Variants in ZNF862 observed in about 807,000 individuals in gnomAD.
ZNF862 encodes the protein zinc finger protein 862.
A neutral mutation model predicts 91.1 loss-of-function variants in ZNF862; 64 were observed. The observed-to-expected ratio is 0.70, with a 90% CI of 0.57 to 0.87. The LOEUF is 0.87. ZNF862 is among the 40% of genes least tolerant of loss of function. The pLI is 0.00. For missense variants in ZNF862, 1,459 were observed against 1,528.0 expected (o/e 0.95, Z 0.75); for synonymous variants, 631 against 618.1 (o/e 1.02, Z -0.31).
chr7:149,860,234 G>A (rs1341691658), intron 6 of ZNF862, 149 bp from the exon 7 acceptor site: 23 of 714,264 alleles, frequency 3.2e-5, no homozygotes. Context: ...GAGGGTTTAA[G>A]TGGACGCCAC....
At chr7:149,846,376 C>T (rs543571411) in intron 3 of ZNF862, 121 bp downstream of exon 3, 28 of 711,612 alleles carry the variant, frequency 3.9e-5, no homozygotes, top group African/African-American at 3.2e-4. Flanking sequence ...TGCTGTTCTC[C>T]TCCCAGGTGC....
chr7:149,864,228 C>G lies in ZNF862; in HGVS notation c.3454C>G (p.Pro1152Ala). The G allele has an allele frequency of 1.2e-6, 2 of 1,601,394 alleles. No individual in the cohort carries two copies. Reference protein sequence around the residue: ...AEVLKDCIMEPPERLLYPHTS... With the variant: ...AEVLKDCIMEAPERLLYPHTS... ...GGTTCTGAAGGACTGCATCATGGAG[C>G]CTCCCGAGAGACTCCTGTATCCCCA... is the stretch of plus-strand genomic sequence containing the variant. The change falls in exon 8 of 8, where the codon CCT becomes GCT. Residue 1152 changes from proline (P) to alanine (A), a missense_variant. Pro to Ala is a conservative substitution (Grantham distance 27, BLOSUM62 -1). Transcript: ENST00000223210.
chr7:149,853,392 C>G (rs888759513), intron 5 of ZNF862, among the ~76,000 whole-genome samples: 8 of 152,182 alleles, frequency 5.3e-5, no homozygotes, highest in Non-Finnish European at 1.0e-4. Flanking sequence ...TGCCCTCCTT[C>G]TTTTTCCATT....
rs1259645171 is a variant in ZNF862, at chr7:149,838,742, T to A, written c.24+107T>A. ...CGGAGGCCCCGCAGATGAGCCAGGC[T>A]TGCAGGGAAGGACTCGCCGGCCCGC... is the stretch of plus-strand genomic sequence containing the variant. On this transcript the variant is annotated intron_variant, in intron 1 of 7. Coordinates refer to ENST00000223210, the MANE Select transcript of ZNF862 (RefSeq NM_001099220.3). The A allele has an allele frequency of 4.1e-6, 3 of 739,858 alleles. No homozygotes were observed. In the African/African-American group the frequency reaches 5.4e-5, roughly 13 times the overall value. The allele number at this position is 739,858 out of a possible 1,614,324, so 45.8% of individuals were successfully genotyped here.
At chr7:149,847,491 A>T (rs1412257244) in intron 3 of ZNF862, among the ~76,000 whole-genome samples, 1 of 152,152 alleles carries the variant, frequency 6.6e-6, no homozygotes, top group East Asian at 1.9e-4. Context: ...TTCAAAAAAC[A>T]AAAAGGAGGG....
chr7:149,864,322 C>T lies in ZNF862; in HGVS notation c.*38C>T, dbSNP rs549042972. ...CCTTGGGACTGCCTTGGAGACGCCT[C>T]TGTGATCACTGGGACAGGCTCTGCA... On this transcript the variant is annotated 3_prime_UTR_variant, in exon 8 of 8. Coordinates refer to ENST00000223210, the MANE Select transcript of ZNF862 (RefSeq NM_001099220.3). 6.5e-6 allele frequency: 10 copies of T among 1,550,276 alleles called. No homozygotes were observed. The African/African-American group carries it at 1.1e-4, about 17-fold the overall frequency.
intron 5 of ZNF862, among the ~76,000 whole-genome samples, chr7:149,853,356 G>T (rs1036194006): frequency 6.6e-6 from 1 of 152,210 alleles, no homozygotes; most frequent in South Asian, 2.1e-4. Flanking sequence ...GTTTGTGGGT[G>T]TGTGCACGCA....
At chr7:149,843,642 G>A (rs1193452599) in intron 1 of ZNF862, among the ~76,000 whole-genome samples, 1 of 152,114 alleles carries the variant, frequency 6.6e-6, no homozygotes, top group African/African-American at 2.4e-5. Flanking sequence ...AGTCCAGTCT[G>A]CTGACATTTA....
chr7:149,851,064 A>G (rs1802055330), intron 5 of ZNF862, among the ~76,000 whole-genome samples: 1 of 152,232 alleles, frequency 6.6e-6, no homozygotes, highest in Non-Finnish European at 1.5e-5. Context: ...TCTTTCTGGC[A>G]GATTAGCAAG....
rs1187150664 is a variant in ZNF862, at chr7:149,847,835, C to A, written c.342C>A (p.His114Gln). Residue 114 changes from histidine to glutamine, a missense_variant, in exon 4 of 8, where the codon CAC becomes CAA. By Grantham distance (24) the His-to-Gln change is conservative. Coordinates refer to ENST00000223210, the MANE Select transcript of ZNF862 (RefSeq NM_001099220.3). ...LPPQKKAYLS[H>Q]LSTGSGHIEG... ...CTCAGAAGAAAGCCTACCTTTCCCA[C>A]CTCAGTACAGGCAGTGGACACATCG... The A allele has an allele frequency of 6.2e-7, 1 of 1,613,640 alleles. No individual in the cohort carries two copies.
In ZNF862 at chr7:149,847,723, T is replaced by C. The variant is rs754118473; in HGVS notation, c.242-12T>C. The C allele has an allele frequency of 6.3e-7, 1 of 1,596,198 alleles. No homozygotes were observed. The highest frequency in any genetic ancestry group is 8.5e-7 in the Non-Finnish European group (1 of 1,171,450). On this transcript the variant is annotated splice_polypyrimidine_tract_variant and intron_variant, in intron 3 of 7. Transcript: ENST00000223210. ...GATTTTAAAGCCAATCCCTTCTGTC[T>C]CTTCTCTAAAGGAAAAAAACAGATG...
Position 149,840,544 on chromosome 7 carries a change from C to CCACT in ZNF862, c.24+1933_24+1936dup, listed in dbSNP as rs535523728. On this transcript the variant is annotated intron_variant, in intron 1 of 7. Coordinates refer to ENST00000223210, the MANE Select transcript of ZNF862 (RefSeq NM_001099220.3). The stretch of plus-strand genomic sequence containing the variant: ...TGTCCTAGGCCTTCACATTCTCTCA[C>CCACT]CACTCACTCACTCACTCACTCACTC... Among the ~76,000 whole-genome samples the CCACT allele has an allele frequency of 2.6e-3, 389 of 152,050 alleles. 3 individuals are homozygous for CCACT. The highest frequency in any genetic ancestry group is 0.017 in the South Asian group (84 of 4,810).
chr7:149,849,410 AC>A (rs1801986788), intron 4 of ZNF862, among the ~76,000 whole-genome samples: 1 of 152,168 alleles, frequency 6.6e-6, no homozygotes, highest in Admixed American at 6.5e-5. Context: ...CTTTGTAGTT[AC>A]CGAATGCTTT....
At position 149,855,478 on chromosome 7, in the gene ZNF862, A is replaced by G. The variant is rs1802229374; in HGVS notation, c.1118-3944A>G. Among the ~76,000 whole-genome samples the G allele has an allele frequency of 1.3e-5, 2 of 152,124 alleles. No homozygotes were observed. Reference sequence around the variant, plus strand: ...GTTTCAGAATTTCTGACTCATCCTCAGTGGGAATGGCGTTGGTGGGTGGGA... The same window carrying G: ...GTTTCAGAATTTCTGACTCATCCTCGGTGGGAATGGCGTTGGTGGGTGGGA... On this transcript the variant is annotated intron_variant, in intron 5 of 7. Coordinates refer to ENST00000223210, the MANE Select transcript of ZNF862 (RefSeq NM_001099220.3). The surrounding 1 kb of genome is among the most constrained non-coding windows in gnomAD (Gnocchi z 4.1).
At position 149,850,111 on chromosome 7, in the gene ZNF862, G is replaced by A. The variant is rs751618277; in HGVS notation, c.940-50G>A. On this transcript the variant is annotated intron_variant, in intron 4 of 7. Coordinates refer to ENST00000223210, the MANE Select transcript of ZNF862 (RefSeq NM_001099220.3). This position sits in a 1 kb window ranked among gnomAD's most constrained non-coding sequence, Gnocchi z 4.2. ...CCAAAGGCCCCAGAAGTGTCACGTGGGAGTCTGGCTCGGCAGGCGGTGCTG... is the reference window on the plus strand; with the variant it reads ...CCAAAGGCCCCAGAAGTGTCACGTGAGAGTCTGGCTCGGCAGGCGGTGCTG... 2 of 1,547,094 alleles carry A rather than the reference G, an allele frequency of 1.3e-6. No individual in the cohort carries two copies. Among genetic ancestry groups the A allele is most frequent in the South Asian group, 1.2e-5 (1 of 83,896 alleles).
At chr7:149,863,507 GAA>G (rs1462720565) in intron 7 of ZNF862, among the ~76,000 whole-genome samples, 3 of 152,180 alleles carry the variant, frequency 2.0e-5, no homozygotes, top group African/African-American at 7.2e-5. Flanking sequence ...GTGGGGATAA[GAA>G]AAGAGACCCC....
In ZNF862 at chr7:149,860,833, T is replaced by C. The variant is rs1189577333; in HGVS notation, c.1673T>C (p.Phe558Ser). ...GACCTCATGGCCAACATGGAGCACT[T>C]TTTCAATGCCGCCTACTCCATTGCA... ...SSDLMANMEH[F>S]FNAAYSIAYH... The change falls in exon 7 of 8, where the codon TTT (phenylalanine) becomes TCT (serine). Residue 558 changes from phenylalanine to serine, a missense_variant. By Grantham distance (155) the Phe-to-Ser change is radical. Coordinates refer to ENST00000223210, the MANE Select transcript of ZNF862 (RefSeq NM_001099220.3). The C allele has an allele frequency of 6.2e-7, 1 of 1,613,694 alleles. No individual in the cohort carries two copies. The highest frequency in any genetic ancestry group is 8.5e-7 in the Non-Finnish European group (1 of 1,179,884).
At chr7:149,862,626 C>A (rs983118954) in intron 7 of ZNF862, 132 bp downstream of exon 7, 1 of 1,004,820 alleles carries the variant, frequency 1.0e-6, no homozygotes, top group Middle Eastern at 3.1e-4. Context: ...GTACTCGATG[C>A]GTGACATCCA....
At chr7:149,854,965 T>C (rs1188158759) in intron 5 of ZNF862, among the ~76,000 whole-genome samples, 2 of 152,220 alleles carry the variant, frequency 1.3e-5, no homozygotes, top group East Asian at 3.8e-4. Context: ...CTCATCCTGT[T>C]CAGAGTCCCC....
Sources: gnomAD v4.1 joint callset for allele counts (sites outside exome capture counted in the v4.1 genomes callset) on GRCh38, gnomAD v4.1.1 for gene constraint, Gnocchi (gnomAD v3.1) non-coding constraint, MANE v1.5 for transcripts, NCBI Gene and HGNC (gene_info 2026-07-23, HGNC 2026-07-21) for gene names.